The following TPD52L2 variants were observed in gnomAD, a reference collection of about 807,000 sequenced individuals.
TPD52L2 encodes the protein TPD52 like 2, also known as tumor protein D54.
In TPD52L2, 19 loss-of-function variants were observed where a neutral mutation model predicts 24.7. The observed-to-expected ratio is 0.77, with a 90% CI of 0.54 to 1.13. The LOEUF (loss-of-function observed/expected upper bound fraction) is 1.13, where lower values mean the gene tolerates loss of function less well. TPD52L2 is among the 50% of genes most tolerant of loss of function. The pLI, the probability that TPD52L2 is intolerant of heterozygous loss-of-function variation, is 0.00. For synonymous variants in TPD52L2, 104 were observed against 100.2 expected (o/e 1.04, Z -0.23); for missense variants, 236 against 250.4 (o/e 0.94, Z 0.39).
intron 1 of TPD52L2, among the ~76,000 whole-genome samples, chr20:63,868,824 C>A (rs996312039): frequency 6.6e-6 from 1 of 152,162 alleles, no homozygotes; most frequent in African/African-American, 2.4e-5. Context: ...CGCCTGTAAT[C>A]CCAGCTACTC....
Position 63,873,810 on chromosome 20 carries a change from C to A in TPD52L2, c.308C>A (p.Ser103Tyr). The change falls in exon 3 of 7, where the codon TCT becomes TAT. Residue 103 changes from serine to tyrosine, a missense_variant. Transcript: ENST00000346249. The part of the protein sequence containing the change: ...LSRSWHDVQV[S>Y]SAYVKTSEKL... Reference sequence around the variant, plus strand: ...AGGAGCTGGCATGACGTGCAGGTCTCTAGCGCGTAGGTACCTGCCCCAGGC... The same window carrying A: ...AGGAGCTGGCATGACGTGCAGGTCTATAGCGCGTAGGTACCTGCCCCAGGC... The A allele has an allele frequency of 6.4e-7, 1 of 1,551,250 alleles. No individual in the cohort carries two copies. Among genetic ancestry groups the A allele is most frequent in the Non-Finnish European group, 8.7e-7 (1 of 1,153,654 alleles).
chr20:63,887,500 G>A (rs2053175619), intron 5 of TPD52L2: 6 of 1,569,556 alleles, frequency 3.8e-6, no homozygotes, highest in Non-Finnish European at 5.3e-6. Flanking sequence ...CCAAGTTGGG[G>A]TTGTGTGTGG....
intron 2 of TPD52L2, among the ~76,000 whole-genome samples, chr20:63,872,127 G>A (rs1341738759): frequency 1.4e-5 from 2 of 146,606 alleles, no homozygotes; most frequent in Admixed American, 1.4e-4. Context: ...TTCTAACTAC[G>A]TTAAGCACAA....
chr20:63,889,083 G>A (rs1163369942), intron 5 of TPD52L2, 107 bp from the exon 6 acceptor site: 13 of 928,748 alleles, frequency 1.4e-5, no homozygotes, highest in Non-Finnish European at 2.1e-5. Flanking sequence ...TTGGGATGTT[G>A]TTAGGGACCC....
At chr20:63,876,628 C>T (rs950691294) in intron 4 of TPD52L2, 14 of 381,498 alleles carry the variant, frequency 3.7e-5, no homozygotes, top group African/African-American at 4.2e-5. Flanking sequence ...GCGCTGTAAT[C>T]GTTGCCACAG....
At chr20:63,886,188 G>A (rs2053089001) in intron 5 of TPD52L2, 6 of 808,012 alleles carry the variant, frequency 7.4e-6, no homozygotes, top group Admixed American at 1.9e-5. Context: ...CAGCCAGGTG[G>A]TTGCTGCATC....
chr20:63,886,499 C>G (rs943501760), intron 5 of TPD52L2, among the ~76,000 whole-genome samples: 4 of 151,676 alleles, frequency 2.6e-5, no homozygotes, highest in South Asian at 2.1e-4. Context: ...GTAGCTGGGA[C>G]TACAGGCGCC....
intron 5 of TPD52L2, chr20:63,888,003 A>T (rs2053196539): frequency 4.0e-6 from 1 of 248,232 alleles, no homozygotes. Context: ...TGTGGTCCTT[A>T]TTCTGTGCCT....
chr20:63,887,336 C>T (rs3795155), intron 5 of TPD52L2: 4 of 644,644 alleles, frequency 6.2e-6, no homozygotes, highest in South Asian at 3.5e-5. Flanking sequence ...TGCTCTCCCC[C>T]CTCCCAGTGC....
chr20:63,889,698 G>A lies in TPD52L2; in HGVS notation c.526-152G>A, dbSNP rs1010084229. 5.8e-6 allele frequency: 4 copies of A among 693,856 alleles called. No homozygotes were observed. In the East Asian group the frequency reaches 1.1e-4, roughly 19 times the overall value. The allele number at this position is 693,856 out of a possible 1,614,324, so 43.0% of individuals were successfully genotyped here. A position where few individuals can be genotyped will look rare whatever the true frequency, so the allele number is the denominator to read the frequency against. The stretch of plus-strand genomic sequence containing the variant: ...CATCGTTCTCTGGAGACCTGTTGGG[G>A]CTGGTGCCCGTCCGTGATTTGCTCC... On this transcript the variant is annotated intron_variant, in intron 6 of 6. Transcript: ENST00000346249.
intron 4 of TPD52L2, among the ~76,000 whole-genome samples, chr20:63,881,823 G>A (rs1158450732): frequency 6.6e-6 from 1 of 152,350 alleles, no homozygotes; most frequent in Admixed American, 6.5e-5. Flanking sequence ...AGTCTGCTGT[G>A]TTTTGTGTTT....
chr20:63,878,016 G>A (rs1321170572), intron 4 of TPD52L2, among the ~76,000 whole-genome samples: 3 of 152,294 alleles, frequency 2.0e-5, no homozygotes, highest in Non-Finnish European at 4.4e-5. Context: ...GAAGGGATGC[G>A]GCTTGGGAGG....
chr20:63,883,046 T>G (rs1348859315), intron 5 of TPD52L2, among the ~76,000 whole-genome samples: 2 of 152,078 alleles, frequency 1.3e-5, no homozygotes, highest in Non-Finnish European at 2.9e-5. Flanking sequence ...TCAGGGAGGG[T>G]TGGCTGCCAG....
At chr20:63,869,260 A>T in intron 1 of TPD52L2, 36 bp from the exon 2 acceptor site, 5 of 1,612,610 alleles carry the variant, frequency 3.1e-6, no homozygotes, top group Non-Finnish European at 4.2e-6. Flanking sequence ...GAACTAACTT[A>T]TTTGACACTT....
At chr20:63,885,818 TGAG>T (rs917638905) in intron 5 of TPD52L2, among the ~76,000 whole-genome samples, 3 of 152,122 alleles carry the variant, frequency 2.0e-5, no homozygotes, top group Non-Finnish European at 4.4e-5. Flanking sequence ...AGTCAGGACT[TGAG>T]GAGACTGGAG....
chr20:63,870,832 C>G (rs2052435846), intron 2 of TPD52L2, among the ~76,000 whole-genome samples: 1 of 151,640 alleles, frequency 6.6e-6, no homozygotes. Context: ...ATTCTCCTGC[C>G]TCAGCCTCCC....
chr20:63,889,724 C>A, intron 6 of TPD52L2, 126 bp from the exon 7 acceptor site: 1 of 894,218 alleles, frequency 1.1e-6, no homozygotes, highest in Non-Finnish European at 1.7e-6. Flanking sequence ...GATTTGCTCC[C>A]TGTCCCTGCT....
intron 2 of TPD52L2, among the ~76,000 whole-genome samples, chr20:63,871,610 A>G (rs1421548705): frequency 6.7e-6 from 1 of 150,230 alleles, no homozygotes; most frequent in African/African-American, 2.5e-5. Context: ...TCAGCCTCCC[A>G]TAGTGCTGGG....
intron 2 of TPD52L2, among the ~76,000 whole-genome samples, chr20:63,871,586 G>A (rs1459510072): frequency 6.6e-6 from 1 of 151,714 alleles, no homozygotes; most frequent in Non-Finnish European, 1.5e-5. Context: ...CAGACCTCAG[G>A]TAATCTGCCT....
Sources: allele counts gnomAD v4.1 joint callset (sites outside exome capture counted in the v4.1 genomes callset), GRCh38; gene constraint gnomAD v4.1.1; transcripts MANE v1.5; gene names NCBI Gene and HGNC (gene_info 2026-07-23, HGNC 2026-07-21).